Variants in SH3PXD2B observed in about 807,000 individuals in gnomAD.
SH3PXD2B encodes the protein SH3 and PX domain-containing protein 2B.
SH3PXD2B carries 37 observed loss-of-function variants against 73.1 expected under a neutral mutation model. The ratio of observed to expected loss-of-function variants is 0.51; its 90% CI spans 0.39 to 0.67. The LOEUF is 0.67. SH3PXD2B is among the 30% of genes least tolerant of loss of function. SH3PXD2B has a pLI of 0.00. For missense variants in SH3PXD2B, 1,053 were observed against 1,197.8 expected (o/e 0.88, Z 1.78); for synonymous variants, 457 against 480.5 (o/e 0.95, Z 0.64).
chr5:172,380,269 C>G (rs1757914008), intron 5 of SH3PXD2B, among the ~76,000 whole-genome samples: 1 of 152,086 alleles, frequency 6.6e-6, no homozygotes, highest in Non-Finnish European at 1.5e-5. Context: ...CTATGTTGCT[C>G]AGGCTGGTCT....
At chr5:172,340,786 G>C (rs1756832825) in intron 12 of SH3PXD2B, among the ~76,000 whole-genome samples, 1 of 152,130 alleles carries the variant, frequency 6.6e-6, no homozygotes, top group Admixed American at 6.6e-5. Context: ...GTAGAGATGG[G>C]GTTTTACCAT....
chr5:172,442,173 G>GT (rs1759564302), intron 1 of SH3PXD2B, among the ~76,000 whole-genome samples: 2 of 152,170 alleles, frequency 1.3e-5, no homozygotes, highest in Admixed American at 1.3e-4. Context: ...GTGGAGAAAG[G>GT]TAAGGCCCAA....
At chr5:172,423,555 G>T (rs572415583) in intron 1 of SH3PXD2B, among the ~76,000 whole-genome samples, 1 of 143,546 alleles carries the variant, frequency 7.0e-6, no homozygotes, top group Non-Finnish European at 1.5e-5. Flanking sequence ...TGGGGGGGGG[G>T]GCGCACATTC....
rs889024 is a variant in SH3PXD2B at position 172,335,773 on chromosome 5, T to C, written c.*2596A>G. The C allele has an allele frequency of 0.53, 657,636 of 1,229,862 alleles. 176,900 individuals carry two copies. The highest frequency in any genetic ancestry group is 0.74 in the South Asian group (17,404 of 23,654). The allele number at this position is 1,229,862 out of a possible 1,614,324, so 76.2% of individuals were successfully genotyped here. A position where few individuals can be genotyped will look rare whatever the true frequency, so the allele number is the denominator to read the frequency against. ...CAGCTAGGAGAGTGACTGGCCACCC[T>C]GACCCACCCACTGCCTGGGGAAGTG... On this transcript the variant is annotated 3_prime_UTR_variant, in exon 13 of 13. Transcript: ENST00000311601.
intron 2 of SH3PXD2B, among the ~76,000 whole-genome samples, chr5:172,420,750 G>C (rs1758945912): frequency 6.6e-6 from 1 of 152,178 alleles, no homozygotes; most frequent in African/African-American, 2.4e-5. Flanking sequence ...TTGAGCCTAT[G>C]ACACACAATA....
intron 10 of SH3PXD2B, among the ~76,000 whole-genome samples, chr5:172,348,690 T>TCTATC (rs1757078070): frequency 2.5e-5 from 1 of 40,462 alleles, no homozygotes. Context: ...TATCTATCTA[T>TCTATC]CTATCTATCT....
At chr5:172,340,534 C>T (rs1336862465) in intron 12 of SH3PXD2B, among the ~76,000 whole-genome samples, 1 of 152,190 alleles carries the variant, frequency 6.6e-6, no homozygotes, top group African/African-American at 2.4e-5. Context: ...ATCCTGGCTT[C>T]TTTGGCTGAG....
intron 11 of SH3PXD2B, among the ~76,000 whole-genome samples, chr5:172,347,079 C>G (rs998695955): frequency 6.6e-6 from 1 of 152,166 alleles, no homozygotes; most frequent in African/African-American, 2.4e-5. Context: ...ACTCTGGCCC[C>G]GCGGGCAAAC....
chr5:172,341,817 AT>A (rs35817977), intron 12 of SH3PXD2B, among the ~76,000 whole-genome samples: 207 of 144,538 alleles, frequency 1.4e-3, no homozygotes, highest in Admixed American at 1.5e-3. Context: ...TGCCCGGCTA[AT>A]TTTTTTTTTT....
chr5:172,356,295 C>T (rs1048107170), intron 8 of SH3PXD2B, among the ~76,000 whole-genome samples: 1 of 152,124 alleles, frequency 6.6e-6, no homozygotes, highest in Non-Finnish European at 1.5e-5. Flanking sequence ...CAGTTTCAAA[C>T]CCCCAGATCC....
chr5:172,358,469 A>G (rs1334883658), intron 8 of SH3PXD2B, among the ~76,000 whole-genome samples: 1 of 152,220 alleles, frequency 6.6e-6, no homozygotes, highest in Non-Finnish European at 1.5e-5. Context: ...TCGAGGGAGG[A>G]ATAGTGAACT....
chr5:172,411,586 A>G (rs887683593), intron 2 of SH3PXD2B, among the ~76,000 whole-genome samples: 1 of 152,126 alleles, frequency 6.6e-6, no homozygotes, highest in Non-Finnish European at 1.5e-5. Context: ...CTTTGGCCAG[A>G]CACTTCATCC....
intron 12 of SH3PXD2B, among the ~76,000 whole-genome samples, chr5:172,345,149 G>A (rs1756968156): frequency 6.8e-6 from 1 of 147,670 alleles, no homozygotes; most frequent in Non-Finnish European, 1.5e-5. Flanking sequence ...AAGGCGTGCA[G>A]GCAGGCAGGC....
intron 12 of SH3PXD2B, among the ~76,000 whole-genome samples, chr5:172,345,036 A>G (rs1213776296): frequency 5.3e-5 from 8 of 150,516 alleles, no homozygotes; most frequent in African/African-American, 1.7e-4. Flanking sequence ...GAGGAAAGGA[A>G]GAAGGGAAGG....
chr5:172,358,175 G>C (rs1757322259), intron 8 of SH3PXD2B, among the ~76,000 whole-genome samples: 1 of 152,234 alleles, frequency 6.6e-6, no homozygotes, highest in South Asian at 2.1e-4. Flanking sequence ...CCCTGCTGAT[G>C]AGTGAAGTGA....
rs1756631216 is a variant in SH3PXD2B at position 172,334,099 on chromosome 5, G to A, written c.*4270C>T. On this transcript the variant is annotated 3_prime_UTR_variant, in exon 13 of 13. Coordinates refer to ENST00000311601, the MANE Select transcript of SH3PXD2B (RefSeq NM_001017995.3). ...GAGGTTGAGCCCCTCATCCCTGATTGGAGCTAAGAAGGCTTACTTTGGAGT... is the reference window on the plus strand; with the variant it reads ...GAGGTTGAGCCCCTCATCCCTGATTAGAGCTAAGAAGGCTTACTTTGGAGT... 1.8e-6 allele frequency: 2 copies of A among 1,127,958 alleles called. No homozygotes were observed. Among genetic ancestry groups the A allele is most frequent in the Admixed American group, 5.0e-5 (1 of 20,146 alleles). The allele number at this position is 1,127,958 out of a possible 1,614,324, so 69.9% of individuals were successfully genotyped here. A position where few individuals can be genotyped will look rare whatever the true frequency, so the allele number is the denominator to read the frequency against.
chr5:172,340,126 T>A (rs1756820339), intron 12 of SH3PXD2B, among the ~76,000 whole-genome samples: 1 of 152,114 alleles, frequency 6.6e-6, no homozygotes, highest in East Asian at 1.9e-4. Context: ...CGTATGGGAC[T>A]CCCCCTAAAG....
At chr5:172,408,110 C>A (rs746671875) in intron 2 of SH3PXD2B, among the ~76,000 whole-genome samples, 8 of 152,040 alleles carry the variant, frequency 5.3e-5, no homozygotes, top group Non-Finnish European at 8.8e-5. Flanking sequence ...CTGGAATGCA[C>A]GGCCTTGCCC....
At chr5:172,385,538 G>T (rs879470522) in intron 4 of SH3PXD2B, among the ~76,000 whole-genome samples, 1 of 152,190 alleles carries the variant, frequency 6.6e-6, no homozygotes, top group Non-Finnish European at 1.5e-5. Context: ...ACAGTGCTGG[G>T]GAGACCCTAA....
Sources: gnomAD v4.1 joint callset for allele counts (sites outside exome capture counted in the v4.1 genomes callset) on GRCh38, gnomAD v4.1.1 for gene constraint, MANE v1.5 for transcripts, NCBI Gene and HGNC (gene_info 2026-07-23, HGNC 2026-07-21) for gene names.